The following ANO3 variants were observed in gnomAD, a reference collection of about 807,000 sequenced individuals.
ANO3 encodes the protein anoctamin-3.
A neutral mutation model predicts 144.8 loss-of-function variants in ANO3; 99 were observed. The ratio of observed to expected loss-of-function variants is 0.68; its 90% CI spans 0.58 to 0.81. The LOEUF (loss-of-function observed/expected upper bound fraction) is 0.81, where lower values mean the gene tolerates loss of function less well. Among genes scored for constraint, ANO3 ranks in the 30% least tolerant of loss-of-function variants. The probability of loss-of-function intolerance (pLI) is 0.00; values close to 1 mark genes in which losing one functional copy is unlikely to be tolerated. For missense variants in ANO3, 905 were observed against 1,202.2 expected (o/e 0.75, Z 3.66); for synonymous variants, 414 against 392.6 (o/e 1.05, Z -0.64).
intron 1 of ANO3, among the ~76,000 whole-genome samples, chr11:26,439,407 T>C (rs748906676): frequency 6.6e-6 from 1 of 152,060 alleles, no homozygotes; most frequent in Non-Finnish European, 1.5e-5. Context: ...TGGGAGAAAA[T>C]AGGCAAATGC....
chr11:26,374,700 G>T, intron 1 of ANO3, among the ~76,000 whole-genome samples: 1 of 152,118 alleles, frequency 6.6e-6, no homozygotes, highest in East Asian at 1.9e-4. Flanking sequence ...AAGTGGAGGT[G>T]GTTTCAGGAT....
At position 26,312,179 on chromosome 11, in the gene ANO3, C is replaced by CT. The variant is rs1201789277; in HGVS notation, c.-3+2466dup. ...TTCCTACAAAGGACATGAACTCATC[C>CT]TTTTTTATGGCTGCATAGTATTCCA... On this transcript the variant is annotated intron_variant, in intron 1 of 26. Transcript: ENST00000525139. Among the ~76,000 whole-genome samples, 5 of 152,304 alleles carry CT rather than the reference C, an allele frequency of 3.3e-5. No homozygotes were observed. The South Asian group carries it at 1.0e-3, about 32-fold the overall frequency.
Position 26,442,004 on chromosome 11 carries a change from G to C in ANO3, c.133G>C (p.Ala45Pro), listed in dbSNP as rs1285347960. ...CCTGCCTTGCCTCGCCCAGAGCTAC[G>C]CTTACTCAAAGAGCTTGAGCCAGTC... The part of the protein sequence containing the change: ...RSLPCLAQSY[A>P]YSKSLSQSTS... Residue 45 changes from alanine to proline, a missense_variant, in exon 2 of 27, where the codon GCT becomes CCT. Around this residue, in one of 4 missense-constraint regions of ANO3, gnomAD observed 174 missense variants for 171.9 expected, o/e 1.01. Coordinates refer to ENST00000256737, the MANE Select transcript of ANO3 (RefSeq NM_031418.4). The C allele has an allele frequency of 6.2e-7, 1 of 1,614,070 alleles. No individual in the cohort carries two copies. Among genetic ancestry groups the C allele is most frequent in the Non-Finnish European group, 8.5e-7 (1 of 1,179,982 alleles).
At chr11:26,455,648 C>T (rs1325745181) in intron 3 of ANO3, among the ~76,000 whole-genome samples, 1 of 152,108 alleles carries the variant, frequency 6.6e-6, no homozygotes, top group East Asian at 1.9e-4. Flanking sequence ...CCATACTGCC[C>T]AAGGTAATTT....
intron 23 of ANO3, among the ~76,000 whole-genome samples, chr11:26,647,249 A>C (rs61188233): frequency 0.012 from 1,884 of 152,276 alleles, 45 homozygotes; most frequent in African/African-American, 0.043. Context: ...TCTTACCACC[A>C]GACTAGTTTT....
At chr11:26,201,286 C>T (rs960951431) in intron 1 of ANO3, among the ~76,000 whole-genome samples, 9 of 152,098 alleles carry the variant, frequency 5.9e-5, no homozygotes, top group Non-Finnish European at 8.8e-5. Flanking sequence ...TTATGGGTTT[C>T]GTTCAAATGG....
intron 1 of ANO3, among the ~76,000 whole-genome samples, chr11:26,381,951 A>T (rs1856600506): frequency 6.6e-6 from 1 of 152,214 alleles, no homozygotes; most frequent in African/African-American, 2.4e-5. Context: ...TGTCAAAAAA[A>T]GATTATATTC....
intron 8 of ANO3, among the ~76,000 whole-genome samples, chr11:26,532,479 G>A (rs1050132403): frequency 1.3e-5 from 2 of 151,728 alleles, no homozygotes; most frequent in Admixed American, 1.3e-4. Context: ...CCTTTCTTAA[G>A]ACTCTGAAAC....
chr11:26,603,122 T>C (rs1323467868), intron 17 of ANO3, among the ~76,000 whole-genome samples: 1 of 152,114 alleles, frequency 6.6e-6, no homozygotes, highest in East Asian at 1.9e-4. Context: ...GATAAAGAAA[T>C]AATGCTTCCT....
At chr11:26,621,134 A>G (rs1248547825) in intron 17 of ANO3, among the ~76,000 whole-genome samples, 1 of 152,200 alleles carries the variant, frequency 6.6e-6, no homozygotes, top group Non-Finnish European at 1.5e-5. Context: ...CACAATAACC[A>G]TGTCCTTTTC....
intron 24 of ANO3, 54 bp downstream of exon 24, chr11:26,647,910 T>C: frequency 6.5e-7 from 1 of 1,530,298 alleles, no homozygotes; most frequent in Non-Finnish European, 8.9e-7. Flanking sequence ...GTAATTAAAA[T>C]AGGATCTTAC....
At chr11:26,392,513 G>A (rs1367088262) in intron 1 of ANO3, among the ~76,000 whole-genome samples, 30 of 152,004 alleles carry the variant, frequency 2.0e-4, no homozygotes. Context: ...GAGATATTAT[G>A]TTTTCAAAGG....
At chr11:26,393,595 A>G (rs1027315568) in intron 1 of ANO3, among the ~76,000 whole-genome samples, 1 of 152,184 alleles carries the variant, frequency 6.6e-6, no homozygotes, top group Admixed American at 6.5e-5. Context: ...TCTAATTGAT[A>G]CATATTGGCT....
upstream of ANO3, among the ~76,000 whole-genome samples, chr11:26,305,063 T>C (rs1854347365): frequency 6.6e-6 from 1 of 150,814 alleles, no homozygotes; most frequent in Non-Finnish European, 1.5e-5. Flanking sequence ...TTTACAGAGA[T>C]AGAAATTAAG....
upstream of ANO3, among the ~76,000 whole-genome samples, chr11:26,309,353 A>G (rs995459478): frequency 2.0e-5 from 3 of 152,098 alleles, no homozygotes; most frequent in African/African-American, 7.2e-5. Context: ...ACCCTAGGAA[A>G]ATGTAATTGG....
intron 1 of ANO3, among the ~76,000 whole-genome samples, chr11:26,298,560 T>A (rs7120535): frequency 0.02 from 3,064 of 152,310 alleles, 90 homozygotes; most frequent in African/African-American, 0.066. Flanking sequence ...ATTAACCTTT[T>A]ACTCTGAGTA....
chr11:26,582,250 A>T (rs1851154009), intron 14 of ANO3, among the ~76,000 whole-genome samples: 1 of 152,222 alleles, frequency 6.6e-6, no homozygotes, highest in Admixed American at 6.5e-5. Context: ...TTAAAGGTGA[A>T]GTCAGTAATT....
At chr11:26,496,995 T>C (rs12274439) in intron 4 of ANO3, among the ~76,000 whole-genome samples, 2,240 of 126,616 alleles carry the variant, frequency 0.018, 22 homozygotes, top group Middle Eastern at 0.052. Flanking sequence ...TATATATATA[T>C]ACACACACAG....
At chr11:26,450,105 T>C (rs182188836) in intron 3 of ANO3, among the ~76,000 whole-genome samples, 1 of 152,234 alleles carries the variant, frequency 6.6e-6, no homozygotes, top group Admixed American at 6.5e-5. Context: ...CCCTAATACA[T>C]AGTTGTTTAG....
Sources: gnomAD v4.1 joint callset for allele counts (sites outside exome capture counted in the v4.1 genomes callset) on GRCh38, gnomAD v4.1.1 for gene constraint, gnomAD v4.1.1 regional missense constraint, MANE v1.5 for transcripts, NCBI Gene and HGNC (gene_info 2026-07-23, HGNC 2026-07-21) for gene names.